MASTL: variants seen among roughly 807,000 people sequenced by gnomAD.
The protein encoded by MASTL is serine/threonine-protein kinase greatwall.
Under a neutral mutation model 82.5 loss-of-function variants are expected in MASTL, and 54 were observed. That is an observed-to-expected ratio of 0.65 (90% CI 0.53 to 0.82). The LOEUF (loss-of-function observed/expected upper bound fraction) is 0.82. Ranked by LOEUF, MASTL falls within the 40% of genes least tolerant of loss-of-function variation. MASTL has a pLI of 0.00. For missense variants in MASTL, 950 were observed against 1,047.8 expected (o/e 0.91, Z 1.29); for synonymous variants, 323 against 368.9 (o/e 0.88, Z 1.43).
Position 27,167,130 on chromosome 10 carries a change from A to G in MASTL, c.840A>G (p.Gly280=), listed in dbSNP as rs1002720863. The change falls in exon 7 of 12, where the codon GGA becomes GGG. Residue 280 remains glycine (G), a synonymous_variant. Transcript: ENST00000375940. ...SCLETVASNP[G]MPVKCLTSNL... ...TTGAAACAGTTGCCTCCAACCCAGG[A>G]ATGCCTGTGAAGTGTCTAACTTCTA... The G allele has an allele frequency of 2.5e-6, 4 of 1,614,040 alleles. No individual in the cohort carries two copies. The Middle Eastern group carries it at 4.9e-4, about 200-fold the overall frequency.
Position 27,159,515 on chromosome 10 carries a change from C to A in MASTL, c.325-104C>A. On this transcript the variant is annotated intron_variant, in intron 2 of 11. Coordinates refer to ENST00000375940, the MANE Select transcript of MASTL (RefSeq NM_001172303.3). The surrounding 1 kb of genome is among the most constrained non-coding windows in gnomAD (Gnocchi z 4.0). ...GAGTAATAGCAAGAAAAGGTCGTTT[C>A]ATTACAGAGCCATGCCAAATATTGT... 1.3e-6 allele frequency: 1 copy of A among 768,912 alleles called. No homozygotes were observed. Among genetic ancestry groups the A allele is most frequent in the Non-Finnish European group, 2.2e-6 (1 of 458,814 alleles). The allele number at this position is 768,912 out of a possible 1,614,324, so 47.6% of individuals were successfully genotyped here. A position where few individuals can be genotyped will look rare whatever the true frequency, so the allele number is the denominator to read the frequency against.
rs1315365659 is a variant in MASTL at position 27,173,208 on chromosome 10, C to T, written c.2215C>T (p.Leu739=). Reference sequence around the variant, plus strand: ...GGCCCCCGTTGATGATGGGCGAATTCTAGGAACCCCAGACTACCTTGCACC... The same window carrying T: ...GGCCCCCGTTGATGATGGGCGAATTTTAGGAACCCCAGACTACCTTGCACC... The part of the protein sequence containing the change: ...GVAPVDDGRI[L]GTPDYLAPEL... Residue 739 remains leucine (L), a synonymous_variant, in exon 9 of 12, where the codon CTA becomes TTA. Coordinates refer to ENST00000375940, the MANE Select transcript of MASTL (RefSeq NM_001172303.3). 1.2e-6 allele frequency: 2 copies of T among 1,613,984 alleles called. No homozygotes were observed. The highest frequency in any genetic ancestry group is 1.3e-5 in the African/African-American group (1 of 74,904).
intron 4 of MASTL, among the ~76,000 whole-genome samples, chr10:27,164,537 C>T (rs989008402): frequency 6.6e-6 from 1 of 152,172 alleles, no homozygotes; most frequent in Non-Finnish European, 1.5e-5. Context: ...TGCACTGAAA[C>T]ATGCTAATAA....
chr10:27,158,596 C>G lies in MASTL; in HGVS notation c.234C>G (p.Val78=), dbSNP rs1166535856. The change falls in exon 2 of 12, where the codon GTC becomes GTG. Residue 78 remains valine (V), a synonymous_variant. Coordinates refer to ENST00000375940, the MANE Select transcript of MASTL (RefSeq NM_001172303.3). ...DMINKNMTHQ[V]QAERDALALS... ...TCAACAAAAATATGACTCATCAGGT[C>G]CAAGCTGAGAGAGATGCACTGGCAC... The G allele has an allele frequency of 6.2e-7, 1 of 1,612,056 alleles. No individual in the cohort carries two copies.
At chr10:27,167,975 A>G (rs2057793322) in intron 7 of MASTL, among the ~76,000 whole-genome samples, 1 of 152,236 alleles carries the variant, frequency 6.6e-6, no homozygotes, top group African/African-American at 2.4e-5. Context: ...TATTAGAGCT[A>G]AGAGATACTA....
Position 27,158,705 on chromosome 10 carries a change from T to C in MASTL, c.324+19T>C, listed in dbSNP as rs1282611522. 1 of 1,612,286 alleles carries C rather than the reference T, an allele frequency of 6.2e-7. No individual in the cohort carries two copies. The highest frequency in any genetic ancestry group is 8.5e-7 in the Non-Finnish European group (1 of 1,178,346). ...CTACTTGGTGAGTAAATAATTTTTA[T>C]GTTGTTTCTTTATCCATTAAGCAGT... On this transcript the variant is annotated intron_variant, in intron 2 of 11. Transcript: ENST00000375940.
At chr10:27,161,952 CAT>C (rs769206475) in intron 4 of MASTL, among the ~76,000 whole-genome samples, 44 of 152,222 alleles carry the variant, frequency 2.9e-4, no homozygotes, top group Admixed American at 4.6e-4. Flanking sequence ...ACAGTTAACA[CAT>C]ATATGTATAT....
At position 27,166,389 on chromosome 10, in the gene MASTL, AC is replaced by A. The variant is rs2057742469; in HGVS notation, c.812-711del. On this transcript the variant is annotated intron_variant, in intron 6 of 11. Coordinates refer to ENST00000375940, the MANE Select transcript of MASTL (RefSeq NM_001172303.3). ...ATTGAGTAAATGTAGTCATATTCTA[AC>A]CTTATAGCACGTCTGGATATACCAC... 1.3e-4 allele frequency among the ~76,000 whole-genome samples: 20 copies of A among 152,324 alleles called. No individual in the cohort carries two copies. The South Asian group carries it at 3.9e-3, about 30-fold the overall frequency.
chr10:27,169,172 A>G (rs867613607), intron 7 of MASTL, among the ~76,000 whole-genome samples: 79 of 152,292 alleles, frequency 5.2e-4, no homozygotes, highest in African/African-American at 1.8e-3. Flanking sequence ...GTTTTTTAAT[A>G]CTTATATGAA....
At chr10:27,175,081 C>A (rs1326669117) in intron 9 of MASTL, among the ~76,000 whole-genome samples, 1 of 152,032 alleles carries the variant, frequency 6.6e-6, no homozygotes, top group Non-Finnish European at 1.5e-5. Flanking sequence ...CTTGTCTCCC[C>A]AACATTGCCT....
chr10:27,187,479 C>T lies in MASTL; in HGVS notation c.*943C>T, dbSNP rs1299330705. On this transcript the variant is annotated 3_prime_UTR_variant, in exon 12 of 12. Coordinates refer to ENST00000375940, the MANE Select transcript of MASTL (RefSeq NM_001172303.3). The stretch of plus-strand genomic sequence containing the variant: ...TTAAAATGGTACTGGAGGACGGGTG[C>T]GATGGCTCATGCCTGTAATCCCGGC... Among the ~76,000 whole-genome samples, 5 of 151,996 alleles carry T rather than the reference C, an allele frequency of 3.3e-5. No homozygotes were observed. Among genetic ancestry groups the T allele is most frequent in the Admixed American group, 2.6e-4 (4 of 15,244 alleles).
Position 27,186,513 on chromosome 10 carries a change from A to T in MASTL, c.2617A>T (p.Thr873Ser). Residue 873 changes from threonine to serine, a missense_variant, in exon 12 of 12, where the codon ACT becomes TCT. Physicochemically the swap from Thr to Ser is moderately conservative, Grantham distance 58. Coordinates refer to ENST00000375940, the MANE Select transcript of MASTL (RefSeq NM_001172303.3). ...FEARNTAQHL[T>S]VSGFSL ...AGCCAGGAATACTGCTCAGCACCTG[A>T]CTGTATCTGGATTTAGTCTGTAGCA... 1.2e-6 allele frequency: 2 copies of T among 1,614,078 alleles called. No homozygotes were observed. The highest frequency in any genetic ancestry group is 1.7e-6 in the Non-Finnish European group (2 of 1,179,990).
chr10:27,158,368 G>A (rs1450457259), intron 1 of MASTL, among the ~76,000 whole-genome samples, 181 bp from the exon 2 acceptor site: 2 of 152,162 alleles, frequency 1.3e-5, no homozygotes, highest in Admixed American at 1.3e-4. Flanking sequence ...GTAGCCAGAT[G>A]TAGTCATGTG....
rs765440476 is a variant in MASTL at position 27,159,619 on chromosome 10, G to T, written c.325G>T (p.Val109Leu). 6.6e-7 allele frequency: 1 copy of T among 1,509,748 alleles called. No individual in the cohort carries two copies. The highest frequency in any genetic ancestry group is 9.2e-7 in the Non-Finnish European group (1 of 1,086,140). 93.5% of individuals were successfully genotyped at this position (1,509,748 alleles called of 1,614,324 possible). A position where few individuals can be genotyped will look rare whatever the true frequency, so the allele number is the denominator to read the frequency against. Residue 109 changes from valine to leucine, a missense_variant and splice_region_variant, in exon 3 of 12, where the codon GTA becomes TTA. Transcript: ENST00000375940. This position sits in a 1 kb window ranked among gnomAD's most constrained non-coding sequence, Gnocchi z 4.0. ...SLQSANNVYLVMEYLIGGDVK... is the reference protein window; with the variant it reads ...SLQSANNVYLLMEYLIGGDVK... ...ACAATATTAAATTCTTTTTTGAAAGGTAATGGAATATCTTATTGGGGGAGA... is the reference window on the plus strand; with the variant it reads ...ACAATATTAAATTCTTTTTTGAAAGTTAATGGAATATCTTATTGGGGGAGA...
chr10:27,158,646 A>G lies in MASTL; in HGVS notation c.284A>G (p.His95Arg), dbSNP rs764102088. The G allele has an allele frequency of 1.9e-6, 3 of 1,613,872 alleles. No homozygotes were observed. Among genetic ancestry groups the G allele is most frequent in the African/African-American group, 1.3e-5 (1 of 74,936 alleles). The change falls in exon 2 of 12, where the codon CAT (histidine) becomes CGT (arginine). Residue 95 changes from histidine to arginine, a missense_variant. Physicochemically the swap from His to Arg is conservative, Grantham distance 29 (BLOSUM62 0). Transcript: ENST00000375940. Reference protein sequence around the residue: ...LALSKSPFIVHLYYSLQSANN... With the variant: ...LALSKSPFIVRLYYSLQSANN... ...CTAAGCAAAAGCCCATTCATTGTCC[A>G]TTTGTATTATTCACTGCAGTCTGCA... is the stretch of plus-strand genomic sequence containing the variant.
chr10:27,174,350 G>T (rs946085165), intron 9 of MASTL, among the ~76,000 whole-genome samples: 1 of 151,644 alleles, frequency 6.6e-6, no homozygotes, highest in Non-Finnish European at 1.5e-5. Flanking sequence ...GCAAGACTCT[G>T]TCTAAAAAAA....
chr10:27,181,165 G>T (rs1057128354), intron 10 of MASTL, 99 bp downstream of exon 10: 1 of 853,506 alleles, frequency 1.2e-6, no homozygotes, highest in Non-Finnish European at 2.0e-6. Context: ...CGGGTGGATC[G>T]CCTGAGGTCA....
upstream of MASTL, chr10:27,155,254 C>T (rs1400577317): frequency 4.5e-6 from 3 of 662,666 alleles, no homozygotes; most frequent in Non-Finnish European, 7.6e-6. Flanking sequence ...GGGGCTTTCC[C>T]GACGCCCCCT....
intron 9 of MASTL, among the ~76,000 whole-genome samples, chr10:27,177,543 C>T (rs2058138411): frequency 6.6e-6 from 1 of 152,142 alleles, no homozygotes; most frequent in Non-Finnish European, 1.5e-5. Context: ...GCCTCTCAGC[C>T]GAGATGAGCC....
Sources: gnomAD v4.1 joint callset for allele counts (sites outside exome capture counted in the v4.1 genomes callset) on GRCh38, gnomAD v4.1.1 for gene constraint, Gnocchi (gnomAD v3.1) non-coding constraint, MANE v1.5 for transcripts, NCBI Gene and HGNC (gene_info 2026-07-23, HGNC 2026-07-21) for gene names.